Variants in ACTR3C observed in about 807,000 individuals in gnomAD.
ACTR3C encodes the protein actin-related protein 3C.
ACTR3C carries 18 observed loss-of-function variants against 26.3 expected under a neutral mutation model. The observed-to-expected ratio is 0.68, with a 90% confidence interval of 0.47 to 1.01. The LOEUF (loss-of-function observed/expected upper bound fraction) is 1.01. ACTR3C is among the 50% of genes least tolerant of loss of function. ACTR3C has a pLI of 0.00. For synonymous variants in ACTR3C, 55 were observed against 94.5 expected (o/e 0.58, Z 2.42); for missense variants, 184 against 250.7 (o/e 0.73, Z 1.80).
chr7:150,244,466 G>C (rs187267413), downstream of ACTR3C: 166 of 151,888 alleles, frequency 1.1e-3, no homozygotes, highest in African/African-American at 3.8e-3. Flanking sequence ...TTGAACATTT[G>C]ATTCATTCAA....
chr7:150,280,798 A>ATGTGTG (rs200924995), intron 6 of ACTR3C, among the ~76,000 whole-genome samples: 8,884 of 147,454 alleles, frequency 0.06, 315 homozygotes, highest in East Asian at 0.15. Flanking sequence ...CCTGCTCTTG[A>ATGTGTG]TGTGTGTGTG....
chr7:149,960,598 G>A, the ACTR3C span, among the ~76,000 whole-genome samples: 7 of 152,172 alleles, frequency 4.6e-5, no homozygotes, highest in Admixed American at 6.5e-5. Context: ...ACTTGGTTCC[G>A]TCATTTTGGA....
chr7:150,138,377 T>A, the ACTR3C span, among the ~76,000 whole-genome samples: 1 of 152,176 alleles, frequency 6.6e-6, no homozygotes, highest in East Asian at 1.9e-4. Flanking sequence ...GCCACTAGCA[T>A]CAGATTCTGC....
chr7:150,294,227 G>A (rs1254738584), intron 2 of ACTR3C, among the ~76,000 whole-genome samples: 5 of 152,186 alleles, frequency 3.3e-5, no homozygotes, highest in African/African-American at 9.7e-5. Context: ...TCGTCGGGGC[G>A]GGGAGGCTTG....
chr7:150,133,646 C>A, the ACTR3C span, among the ~76,000 whole-genome samples: 1 of 152,146 alleles, frequency 6.6e-6, no homozygotes, highest in East Asian at 1.9e-4. Flanking sequence ...CAGGATGAAC[C>A]CTGACCACAC....
intron 1 of ACTR3C, among the ~76,000 whole-genome samples, chr7:150,315,548 G>A (rs994973984): frequency 6.6e-6 from 1 of 152,158 alleles, no homozygotes; most frequent in East Asian, 1.9e-4. Flanking sequence ...ATACTAATTC[G>A]TTGTTAGCAT....
chr7:150,018,124 T>C, the ACTR3C span, among the ~76,000 whole-genome samples: 7 of 150,430 alleles, frequency 4.7e-5, no homozygotes, highest in African/African-American at 1.5e-4. Flanking sequence ...ACTTTCGTTT[T>C]TGAGATGGAG....
At chr7:150,214,016 A>G in the ACTR3C span, among the ~76,000 whole-genome samples, 2 of 148,084 alleles carry the variant, frequency 1.4e-5, no homozygotes, top group African/African-American at 5.0e-5. Context: ...CCCCTGAGTC[A>G]TGCAGGTGCT....
chr7:150,294,216 T>G (rs1836536034), intron 2 of ACTR3C, among the ~76,000 whole-genome samples: 1 of 152,132 alleles, frequency 6.6e-6, no homozygotes, highest in African/African-American at 2.4e-5. Flanking sequence ...TACCATTTTC[T>G]TCGTCGGGGC....
intron 1 of ACTR3C, among the ~76,000 whole-genome samples, chr7:150,308,501 T>C (rs1438823010): frequency 1.3e-5 from 2 of 152,144 alleles, no homozygotes; most frequent in African/African-American, 4.8e-5. Flanking sequence ...GCATTTTTTA[T>C]ACTTCGTTCC....
the ACTR3C span, among the ~76,000 whole-genome samples, chr7:150,066,777 C>A: frequency 2.0e-5 from 3 of 152,180 alleles, no homozygotes; most frequent in African/African-American, 7.2e-5. Context: ...TAGTTCCACT[C>A]AAATTGCAAA....
chr7:149,961,570 A>T, the ACTR3C span, among the ~76,000 whole-genome samples: 1 of 152,160 alleles, frequency 6.6e-6, no homozygotes, highest in Admixed American at 6.5e-5. Context: ...ATGGGCTTAC[A>T]GGAAGTGCAT....
At chr7:149,979,024 C>G in the ACTR3C span, among the ~76,000 whole-genome samples, 1 of 152,144 alleles carries the variant, frequency 6.6e-6, no homozygotes, top group Non-Finnish European at 1.5e-5. Context: ...AGTCCTCGCT[C>G]AGAAACACGG....
At chr7:150,219,497 C>A in the ACTR3C span, among the ~76,000 whole-genome samples, 1 of 144,408 alleles carries the variant, frequency 6.9e-6, no homozygotes, top group African/African-American at 2.9e-5. Context: ...TAATTCATCA[C>A]AACCTAAGCG....
the ACTR3C span, among the ~76,000 whole-genome samples, chr7:149,897,071 A>G: frequency 1.3e-5 from 2 of 151,760 alleles, no homozygotes; most frequent in Non-Finnish European, 2.9e-5. Context: ...CAAAAAAAAA[A>G]AAAAAAAAAA....
At chr7:150,323,068 A>C (rs1489497210) in intron 1 of ACTR3C, 1 of 152,902 alleles carries the variant, frequency 6.5e-6, no homozygotes, top group Non-Finnish European at 1.5e-5. Flanking sequence ...ACCTGTGACC[A>C]CCACCCAACA....
the ACTR3C span, among the ~76,000 whole-genome samples, chr7:149,887,308 G>A: frequency 6.6e-6 from 1 of 152,228 alleles, no homozygotes; most frequent in Admixed American, 6.5e-5. Flanking sequence ...AAAGACTTTT[G>A]AGCATGAAGA....
At chr7:149,970,587 G>GATA in the ACTR3C span, among the ~76,000 whole-genome samples, 1 of 152,086 alleles carries the variant, frequency 6.6e-6, no homozygotes, top group African/African-American at 2.4e-5. Context: ...ACCCCATTTG[G>GATA]ATAAAAAATT....
chr7:150,287,374 G>A (rs1835871266), intron 4 of ACTR3C, among the ~76,000 whole-genome samples: 1 of 152,214 alleles, frequency 6.6e-6, no homozygotes, highest in East Asian at 1.9e-4. Context: ...TGCTGCTGCT[G>A]CTGCTGCGAG....
Sources: gnomAD v4.1 joint callset for allele counts (sites outside exome capture counted in the v4.1 genomes callset) on GRCh38, gnomAD v4.1.1 for gene constraint, MANE v1.5 for transcripts, NCBI Gene and HGNC (gene_info 2026-07-23, HGNC 2026-07-21) for gene names.